DAZL: variants seen among roughly 807,000 people sequenced by gnomAD.
DAZL encodes the protein deleted in azoospermia like.
Under a neutral mutation model 45.0 loss-of-function variants are expected in DAZL, and 4 were observed. That is an observed-to-expected ratio of 0.09 (90% CI 0.04 to 0.20). DAZL has a LOEUF of 0.20. Among genes scored for constraint, DAZL ranks in the 10% least tolerant of loss-of-function variants. The pLI, the probability that DAZL is intolerant of heterozygous loss-of-function variation, is 1.00. For missense variants in DAZL, 326 were observed against 351.3 expected, an observed-to-expected ratio of 0.93 and a Z score of 0.58; for synonymous variants, 122 against 112.4, an observed-to-expected ratio of 1.09 and a Z score of -0.54.
intron 10 of DAZL, among the ~76,000 whole-genome samples, chr3:16,589,979 C>A (rs941401354): frequency 1.5e-4 from 23 of 151,920 alleles, no homozygotes; most frequent in Non-Finnish European, 2.6e-4. Flanking sequence ...GAGGCTGAGG[C>A]AGAAGGATCC....
intron 10 of DAZL, among the ~76,000 whole-genome samples, chr3:16,591,521 C>G (rs1294588501): frequency 2.6e-5 from 4 of 151,774 alleles, no homozygotes; most frequent in African/African-American, 9.7e-5. Flanking sequence ...ACTCAACTTC[C>G]CAGGCTCAAG....
Position 16,587,384 on chromosome 3 carries a change from GTAT to G in DAZL, c.*1273_*1275del, listed in dbSNP as rs1694453272. The stretch of plus-strand genomic sequence containing the variant: ...TGATACAACTTTTTCCCTTAGAAAG[GTAT>G]TATATCCCATTGCTACCGTTCCAGG... On this transcript the variant is annotated 3_prime_UTR_variant, in exon 11 of 11. Coordinates refer to ENST00000399444, the MANE Select transcript of DAZL (RefSeq NM_001351.4). 6.6e-6 allele frequency: 1 copy of G among 152,426 alleles called. No individual in the cohort carries two copies. Among genetic ancestry groups the G allele is most frequent in the African/African-American group, 2.4e-5 (1 of 41,428 alleles). 9.4% of individuals were successfully genotyped at this position (152,426 alleles called of 1,614,324 possible). A position where few individuals can be genotyped will look rare whatever the true frequency, so the allele number is the denominator to read the frequency against.
chr3:16,601,560 C>A (rs1339329426), intron 1 of DAZL, among the ~76,000 whole-genome samples: 1 of 152,140 alleles, frequency 6.6e-6, no homozygotes, highest in African/African-American at 2.4e-5. Context: ...TAAAAATCCA[C>A]AATCAATAGA....
In DAZL at chr3:16,595,344, A is replaced by T; in HGVS notation, c.540T>A (p.Thr180=). Residue 180 remains threonine (T), a synonymous_variant, in exon 7 of 11, where the codon ACT becomes ACA. Coordinates refer to ENST00000399444, the MANE Select transcript of DAZL (RefSeq NM_001351.4). ...AATTATATACAGGCAACTGATATCC[A>T]GTGATGACCTGAACTGGTGAATTTG... ...TYPNSPVQVI[T]GYQLPVYNYQ... is the part of the protein sequence containing the mutation. The T allele has an allele frequency of 6.3e-7, 1 of 1,576,676 alleles. No homozygotes were observed. The highest frequency in any genetic ancestry group is 8.6e-7 in the Non-Finnish European group (1 of 1,157,964).
intron 1 of DAZL, chr3:16,604,375 AG>A (rs554937697): frequency 1.5e-6 from 2 of 1,365,234 alleles, no homozygotes; most frequent in Non-Finnish European, 2.0e-6. Flanking sequence ...GTTTATCGAG[AG>A]GGAAAAAACC....
rs1170520592 is a variant in DAZL, at chr3:16,604,412, AT to A, written c.3+790del. The A allele has an allele frequency of 4.0e-6, 6 of 1,515,710 alleles. No individual in the cohort carries two copies. In the South Asian group the frequency reaches 6.0e-5, roughly 15 times the overall value. 93.9% of individuals were successfully genotyped at this position (1,515,710 alleles called of 1,614,324 possible). A position where few individuals can be genotyped will look rare whatever the true frequency, so the allele number is the denominator to read the frequency against. On this transcript the variant is annotated intron_variant, in intron 1 of 10. Coordinates refer to ENST00000399444, the MANE Select transcript of DAZL (RefSeq NM_001351.4). ...GTACCCAGAATTTAAAAATTCTAAAATTCTTAATGGTAACTGCTGAAACCAA... is the reference window on the plus strand; with the variant it reads ...GTACCCAGAATTTAAAAATTCTAAAATCTTAATGGTAACTGCTGAAACCAA...
intron 10 of DAZL, 27 bp downstream of exon 10, chr3:16,592,023 A>T: frequency 6.2e-7 from 1 of 1,601,882 alleles, no homozygotes; most frequent in Non-Finnish European, 8.6e-7. Context: ...TGTGCTTTTT[A>T]ATTGTGCGTA....
chr3:16,590,670 T>C (rs1160863704), intron 10 of DAZL, among the ~76,000 whole-genome samples: 4 of 152,188 alleles, frequency 2.6e-5, no homozygotes, highest in Non-Finnish European at 5.9e-5. Context: ...GAATGAATAA[T>C]AGCCACAAAT....
intron 10 of DAZL, among the ~76,000 whole-genome samples, chr3:16,591,695 A>G (rs1165072313): frequency 6.6e-6 from 1 of 152,130 alleles, no homozygotes; most frequent in African/African-American, 2.4e-5. Flanking sequence ...CAGCCCCCAA[A>G]AGTGCTGGGA....
chr3:16,588,687 T>G lies in DAZL; in HGVS notation c.861A>C (p.Arg287Ser), dbSNP rs757940169. The G allele has an allele frequency of 6.2e-7, 1 of 1,611,868 alleles. No individual in the cohort carries two copies. Among genetic ancestry groups the G allele is most frequent in the South Asian group, 1.1e-5 (1 of 91,028 alleles). The change falls in exon 11 of 11, where the codon AGA becomes AGC. Residue 287 changes from arginine (R) to serine (S), a missense_variant. Physicochemically the swap from Arg to Ser is moderately radical, Grantham distance 110 (BLOSUM62 -1). Around this residue, in one of 3 missense-constraint regions of DAZL, gnomAD observed 227 missense variants for 216.6 expected, o/e 1.05. Coordinates refer to ENST00000399444, the MANE Select transcript of DAZL (RefSeq NM_001351.4). ...AAACAGATTTAAGCATTGCCCGACT[T>G]CTTCTAAAGTGATGCACTCTTTTAT... ...FKDKRVHHFR[R>S]SRAMLKSV
intron 1 of DAZL, among the ~76,000 whole-genome samples, chr3:16,604,051 C>G (rs1189917155): frequency 6.6e-6 from 1 of 152,138 alleles, no homozygotes; most frequent in African/African-American, 2.4e-5. Flanking sequence ...TTACTTACAA[C>G]TCAAGGTGAT....
At chr3:16,594,435 T>C (rs1341264721) in intron 8 of DAZL, 98 bp downstream of exon 8, 1 of 866,918 alleles carries the variant, frequency 1.2e-6, no homozygotes, top group Non-Finnish European at 1.8e-6. Flanking sequence ...TTTAAAAATA[T>C]AGGCATATAT....
intron 6 of DAZL, 73 bp from the exon 7 acceptor site, chr3:16,595,458 T>A: frequency 1.2e-6 from 1 of 867,270 alleles, no homozygotes; most frequent in Non-Finnish European, 1.8e-6. Flanking sequence ...ATTCCCAATA[T>A]AACAAAAATA....
intron 1 of DAZL, chr3:16,604,606 C>A: frequency 7.2e-7 from 1 of 1,383,638 alleles, no homozygotes; most frequent in South Asian, 1.8e-5. Context: ...ACACCCCACG[C>A]TGAGGCCCCC....
intron 1 of DAZL, among the ~76,000 whole-genome samples, chr3:16,600,151 C>T (rs971034207): frequency 2.0e-5 from 3 of 151,966 alleles, no homozygotes; most frequent in Non-Finnish European, 4.4e-5. Flanking sequence ...CAAAAGGTAA[C>T]TACAAAAAGC....
intron 1 of DAZL, among the ~76,000 whole-genome samples, chr3:16,598,938 C>T (rs1694642310): frequency 6.6e-6 from 1 of 152,102 alleles, no homozygotes; most frequent in Middle Eastern, 3.4e-3. Flanking sequence ...CGCCCGACAC[C>T]ACGCCCGGCT....
intron 8 of DAZL, 57 bp from the exon 9 acceptor site, chr3:16,593,825 C>A: frequency 8.9e-7 from 1 of 1,123,880 alleles, no homozygotes; most frequent in Non-Finnish European, 1.3e-6. Flanking sequence ...ATTTAAAAGC[C>A]ACTTATTCTT....
At chr3:16,592,213 T>G (rs1367404756) in intron 9 of DAZL, 65 bp from the exon 10 acceptor site, 29 of 1,579,316 alleles carry the variant, frequency 1.8e-5, no homozygotes, top group Non-Finnish European at 2.5e-5. Flanking sequence ...TAAGGGTTTT[T>G]TTTTGATAGT....
intron 1 of DAZL, chr3:16,604,563 C>G: frequency 3.5e-6 from 5 of 1,436,820 alleles, no homozygotes; most frequent in Non-Finnish European, 4.5e-6. Context: ...GCCCAGCCCC[C>G]TCAGCTACAG....
Sources: gnomAD v4.1 joint callset for allele counts (sites outside exome capture counted in the v4.1 genomes callset) on GRCh38, gnomAD v4.1.1 for gene constraint, gnomAD v4.1.1 regional missense constraint, MANE v1.5 for transcripts, NCBI Gene and HGNC (gene_info 2026-07-23, HGNC 2026-07-21) for gene names.